The following COMMD1 variants were observed in gnomAD, a reference collection of about 807,000 sequenced individuals.
COMMD1 encodes the protein copper metabolism domain containing 1, also known as COMM domain-containing protein 1.
COMMD1 carries 10 observed loss-of-function variants against 17.2 expected under a neutral mutation model. The observed-to-expected ratio is 0.58, with a 90% CI of 0.36 to 0.99. The LOEUF (loss-of-function observed/expected upper bound fraction) is 0.99. Ranked by LOEUF, COMMD1 falls within the 50% of genes least tolerant of loss-of-function variation. The pLI, the probability that COMMD1 is intolerant of heterozygous loss-of-function variation, is 0.01. For synonymous variants in COMMD1, 97 were observed against 91.6 expected, an observed-to-expected ratio of 1.06 and a Z score of -0.34; for missense variants, 270 against 231.8, an observed-to-expected ratio of 1.17 and a Z score of -1.07.
intron 1 of COMMD1, among the ~76,000 whole-genome samples, chr2:61,908,734 G>GT (rs1053084749): frequency 4.7e-5 from 7 of 150,234 alleles, no homozygotes; most frequent in African/African-American, 1.5e-4. Context: ...TAATTTTTTT[G>GT]TTTTTTTGTT....
At chr2:61,963,208 C>G (rs1307678862) in intron 1 of COMMD1, among the ~76,000 whole-genome samples, 3 of 146,532 alleles carry the variant, frequency 2.0e-5, no homozygotes, top group African/African-American at 5.3e-5. Flanking sequence ...CACACACACA[C>G]ACACACACAC....
intron 1 of COMMD1, among the ~76,000 whole-genome samples, chr2:61,972,140 G>T (rs1355717351): frequency 1.3e-5 from 2 of 151,844 alleles, no homozygotes; most frequent in African/African-American, 4.8e-5. Flanking sequence ...CAAAAAAACT[G>T]GTGAGATAAA....
intron 2 of COMMD1, among the ~76,000 whole-genome samples, chr2:62,123,765 A>C (rs1044899934): frequency 4.6e-5 from 7 of 151,860 alleles, no homozygotes; most frequent in African/African-American, 1.5e-4. Context: ...AGTCCCTCTT[A>C]ATGCTTTAAG....
intron 2 of COMMD1, among the ~76,000 whole-genome samples, chr2:62,079,406 G>A (rs868810299): frequency 6.6e-6 from 1 of 152,208 alleles, no homozygotes; most frequent in African/African-American, 2.4e-5. Context: ...AGCAAAATTA[G>A]GAATGCCTTT....
At chr2:61,902,035 G>A (rs1029651445), upstream of COMMD1, among the ~76,000 whole-genome samples, 7 of 151,858 alleles carry the variant, frequency 4.6e-5, no homozygotes, top group African/African-American at 1.7e-4. Flanking sequence ...GTTTCACCAT[G>A]TTGGCCAGGA....
chr2:62,022,448 CTTTTTT>C (rs747830662), intron 2 of COMMD1, among the ~76,000 whole-genome samples: 1 of 84,948 alleles, frequency 1.2e-5, no homozygotes, highest in Non-Finnish European at 2.5e-5. Context: ...ACCGGCGCTT[CTTTTTT>C]TTTTTTTTTT....
chr2:62,052,257 C>A (rs949123368), intron 2 of COMMD1, among the ~76,000 whole-genome samples: 3 of 152,040 alleles, frequency 2.0e-5, no homozygotes, highest in African/African-American at 7.2e-5. Context: ...TCGAGACCAG[C>A]CTTGGCAACA....
intron 1 of COMMD1, among the ~76,000 whole-genome samples, chr2:61,913,531 C>T (rs1669966272): frequency 6.6e-6 from 1 of 151,336 alleles, no homozygotes; most frequent in African/African-American, 2.4e-5. Flanking sequence ...TAAAAGTTGG[C>T]TCTACTAAAT....
At chr2:62,128,789 A>C (rs1449854355) in intron 2 of COMMD1, among the ~76,000 whole-genome samples, 3 of 151,976 alleles carry the variant, frequency 2.0e-5, no homozygotes, top group African/African-American at 7.3e-5. Flanking sequence ...CATCTTTACT[A>C]AAAATACAAA....
chr2:62,030,400 G>T (rs1409543762), intron 2 of COMMD1, among the ~76,000 whole-genome samples: 2 of 152,162 alleles, frequency 1.3e-5, no homozygotes, highest in African/African-American at 4.8e-5. Flanking sequence ...TTCTGCGGCT[G>T]CTTCTGAAGC....
chr2:61,955,192 A>G (rs1349945713), intron 1 of COMMD1, among the ~76,000 whole-genome samples: 3 of 151,412 alleles, frequency 2.0e-5, no homozygotes, highest in South Asian at 2.1e-4. Flanking sequence ...TGAAATGTCT[A>G]TTTAAATGTT....
intron 1 of COMMD1, among the ~76,000 whole-genome samples, chr2:61,912,851 T>C (rs529405934): frequency 6.6e-6 from 1 of 152,200 alleles, no homozygotes; most frequent in Non-Finnish European, 1.5e-5. Flanking sequence ...ATAGAGGTCA[T>C]GTGACCTTCA....
At chr2:61,977,241 C>CAT (rs1365232073) in intron 1 of COMMD1, among the ~76,000 whole-genome samples, 2 of 88,810 alleles carry the variant, frequency 2.3e-5, no homozygotes, top group Admixed American at 2.4e-4. Context: ...ATAAAGTTTG[C>CAT]TTTTTTTTTT....
At chr2:62,052,056 A>G (rs1164136091) in intron 2 of COMMD1, among the ~76,000 whole-genome samples, 2 of 152,206 alleles carry the variant, frequency 1.3e-5, no homozygotes, top group Non-Finnish European at 2.9e-5. Context: ...AGCTCACTCA[A>G]AAGGAATCTC....
At chr2:61,963,216 C>G (rs192902239) in intron 1 of COMMD1, among the ~76,000 whole-genome samples, 1 of 146,106 alleles carries the variant, frequency 6.8e-6, no homozygotes, top group Non-Finnish European at 1.5e-5. Context: ...CACACACACA[C>G]ACACATATAT....
chr2:61,942,189 CG>C (rs1204017688), intron 1 of COMMD1, among the ~76,000 whole-genome samples: 4 of 151,258 alleles, frequency 2.6e-5, no homozygotes, highest in Non-Finnish European at 5.9e-5. Context: ...CTGCAACCTC[CG>C]CCTCCTAGGT....
chr2:62,016,386 T>G (rs2103844646), intron 2 of COMMD1, among the ~76,000 whole-genome samples: 1 of 151,778 alleles, frequency 6.6e-6, no homozygotes. Flanking sequence ...TTTTTTATAT[T>G]TTTTGTAGAG....
chr2:61,988,897 T>G (rs1282137200), intron 1 of COMMD1, among the ~76,000 whole-genome samples: 2 of 152,174 alleles, frequency 1.3e-5, no homozygotes, highest in Admixed American at 1.3e-4. Context: ...CTGTGGACAT[T>G]GGCTGAGTTC....
Position 61,929,602 on chromosome 2 carries a change from A to G in COMMD1, c.180+23744A>G, listed in dbSNP as rs539131708. ...CAGGTTCAACTGTTTCTTCAGGTCT[A>G]CACTTCCTTATGAAAGCTCTTGTGT... On this transcript the variant is annotated intron_variant, in intron 1 of 2. Transcript: ENST00000311832. Among the ~76,000 whole-genome samples the G allele has an allele frequency of 6.6e-5, 10 of 152,310 alleles. 3 individuals carry two copies. Among genetic ancestry groups the G allele is most frequent in the African/African-American group, 2.2e-4 (9 of 41,566 alleles).
Sources: gnomAD v4.1 joint callset for allele counts (sites outside exome capture counted in the v4.1 genomes callset) on GRCh38, gnomAD v4.1.1 for gene constraint, MANE v1.5 for transcripts, NCBI Gene and HGNC (gene_info 2026-07-23, HGNC 2026-07-21) for gene names.